WDFY3: variants seen among roughly 807,000 people sequenced by gnomAD.
WDFY3 encodes the protein WD repeat and FYVE domain containing 3.
WDFY3 carries 66 observed loss-of-function variants against 409.6 expected under a neutral mutation model. That is an observed-to-expected ratio of 0.16 (90% CI 0.13 to 0.20). The LOEUF is 0.20. Among genes scored for constraint, WDFY3 ranks in the 10% least tolerant of loss-of-function variants. The pLI is 1.00. For missense variants in WDFY3, 3,031 were observed against 4,298.1 expected, an observed-to-expected ratio of 0.71 and a Z score of 8.24; for synonymous variants, 1,521 against 1,537.1, an observed-to-expected ratio of 0.99 and a Z score of 0.25.
chr4:84,774,977 C>T lies in WDFY3; in HGVS notation c.4597G>A (p.Ala1533Thr). 6.2e-7 allele frequency: 1 copy of T among 1,613,606 alleles called. No homozygotes were observed. Among genetic ancestry groups the T allele is most frequent in the Non-Finnish European group, 8.5e-7 (1 of 1,179,790 alleles). ...CTCATTAATTTGGCATTCTTTGAGG[C>T]TTCACTATAAGAGAAAGAAGATTTT... Reference protein sequence around the residue: ...FIELLTESSEASKNAKLMREF... With the variant: ...FIELLTESSETSKNAKLMREF... Residue 1533 changes from alanine to threonine, a missense_variant, in exon 29 of 68, where the codon GCC (alanine) becomes ACC (threonine). Coordinates refer to ENST00000295888, the MANE Select transcript of WDFY3 (RefSeq NM_014991.6).
chr4:84,702,181 T>C (rs1422477761), intron 56 of WDFY3, among the ~76,000 whole-genome samples, 172 bp downstream of exon 56: 1 of 152,186 alleles, frequency 6.6e-6, no homozygotes, highest in Non-Finnish European at 1.5e-5. Flanking sequence ...CTAATTTTTG[T>C]AACGACAAAA....
At chr4:84,705,589 T>C (rs1731794522) in intron 53 of WDFY3, 78 bp from the exon 54 acceptor site, 2 of 1,142,620 alleles carry the variant, frequency 1.8e-6, no homozygotes, top group Non-Finnish European at 2.6e-6. Context: ...GTGGCTGTTG[T>C]GGATGATGAT....
intron 23 of WDFY3, among the ~76,000 whole-genome samples, chr4:84,786,776 T>C (rs565090169): frequency 1.3e-5 from 2 of 152,318 alleles, no homozygotes; most frequent in Admixed American, 1.3e-4. Flanking sequence ...TTCATGTGTA[T>C]TGACTTATTT....
intron 3 of WDFY3, among the ~76,000 whole-genome samples, chr4:84,862,910 G>A (rs1020144095): frequency 3.3e-5 from 5 of 152,082 alleles, no homozygotes; most frequent in East Asian, 1.9e-4. Flanking sequence ...TCTCTACTTC[G>A]GTGAGTTTGA....
intron 15 of WDFY3, among the ~76,000 whole-genome samples, 197 bp downstream of exon 15, chr4:84,808,137 A>G (rs570052106): frequency 6.6e-6 from 1 of 151,952 alleles, no homozygotes; most frequent in Admixed American, 6.6e-5. Flanking sequence ...CATAGCATCA[A>G]CACATTTTAC....
intron 1 of WDFY3, among the ~76,000 whole-genome samples, chr4:84,934,828 C>T (rs978866975): frequency 2.0e-5 from 3 of 152,064 alleles, no homozygotes; most frequent in Non-Finnish European, 2.9e-5. Flanking sequence ...ATCCCCACCA[C>T]CCCCTGTAAC....
chr4:84,777,906 G>A (rs893647953), intron 27 of WDFY3, among the ~76,000 whole-genome samples: 7 of 152,054 alleles, frequency 4.6e-5, no homozygotes, highest in Admixed American at 2.0e-4. Flanking sequence ...AAGTGATCAC[G>A]AGTTGCCTTG....
At chr4:84,831,679 G>A (rs1383207105) in intron 7 of WDFY3, 74 bp from the exon 8 acceptor site, 12 of 1,366,108 alleles carry the variant, frequency 8.8e-6, no homozygotes, top group Middle Eastern at 2.4e-4. Context: ...ATGGGCAAAT[G>A]AGCTGAATGG....
chr4:84,761,060 T>G (rs1380833995), intron 32 of WDFY3, among the ~76,000 whole-genome samples: 1 of 152,194 alleles, frequency 6.6e-6, no homozygotes, highest in East Asian at 1.9e-4. Flanking sequence ...CATTTCGTTA[T>G]GTACACAGTA....
At chr4:84,743,659 G>A (rs373105421) in intron 37 of WDFY3, 41 bp downstream of exon 37, 70 of 1,452,120 alleles carry the variant, frequency 4.8e-5, no homozygotes, top group Non-Finnish European at 6.1e-5. Flanking sequence ...AGAGAGGAAA[G>A]TGATTATAGG....
At position 84,795,499 on chromosome 4, in the gene WDFY3, C is replaced by T. The variant is rs115108716; in HGVS notation, c.3168-520G>A. 3.3e-3 allele frequency among the ~76,000 whole-genome samples: 508 copies of T among 152,322 alleles called. 2 individuals are homozygous for T. Among genetic ancestry groups the T allele is most frequent in the Non-Finnish European group, 4.9e-3 (332 of 68,018 alleles). On this transcript the variant is annotated intron_variant, in intron 19 of 67. Transcript: ENST00000295888. ...CTCTAAGCCTGGGCACAGTGGCTCACGCCTATAATCCTAGCACGTTGGGAG... is the reference window on the plus strand; with the variant it reads ...CTCTAAGCCTGGGCACAGTGGCTCATGCCTATAATCCTAGCACGTTGGGAG...
chr4:84,726,771 C>T, intron 45 of WDFY3, 90 bp downstream of exon 45: 48 of 1,118,684 alleles, frequency 4.3e-5, no homozygotes, highest in Non-Finnish European at 6.1e-5. Context: ...TTAAGTTAGT[C>T]TAGTCTACCA....
chr4:84,870,856 C>T (rs1762041085), intron 3 of WDFY3, among the ~76,000 whole-genome samples: 1 of 151,208 alleles, frequency 6.6e-6, no homozygotes, highest in Non-Finnish European at 1.5e-5. Context: ...TTTCCCCTTC[C>T]TCCAAACTTT....
intron 30 of WDFY3, 117 bp downstream of exon 30, chr4:84,772,718 A>G (rs1029745879): frequency 4.1e-5 from 34 of 819,416 alleles, no homozygotes; most frequent in Non-Finnish European, 6.4e-5. Flanking sequence ...TGTAAGGAGA[A>G]AAGTTATACA....
chr4:84,913,913 C>T (rs2150771400), intron 2 of WDFY3, among the ~76,000 whole-genome samples: 1 of 152,286 alleles, frequency 6.6e-6, no homozygotes, highest in Non-Finnish European at 1.5e-5. Flanking sequence ...AACCCCTTCT[C>T]TTCCTCCTCA....
chr4:84,674,607 T>G (rs1463930868), intron 67 of WDFY3, among the ~76,000 whole-genome samples: 1 of 150,324 alleles, frequency 6.7e-6, no homozygotes, highest in Admixed American at 6.6e-5. Context: ...CGGAGGCTCA[T>G]GACTGTAATC....
intron 44 of WDFY3, among the ~76,000 whole-genome samples, chr4:84,732,837 A>C (rs1233832684): frequency 1.3e-5 from 2 of 152,150 alleles, no homozygotes; most frequent in African/African-American, 4.8e-5. Context: ...GGGTTAAACC[A>C]ATCAGTACAA....
intron 62 of WDFY3, chr4:84,687,795 A>AG (rs1312474137): frequency 3.9e-6 from 1 of 253,504 alleles, no homozygotes; most frequent in Non-Finnish European, 7.5e-6. Context: ...ACCACTGATC[A>AG]GCATGGGAAT....
chr4:84,678,875 A>T, intron 65 of WDFY3, 44 bp downstream of exon 65: 1 of 1,554,002 alleles, frequency 6.4e-7, no homozygotes, highest in Non-Finnish European at 8.7e-7. Context: ...CAACCCTCAC[A>T]CCACATATAA....
Sources: gnomAD v4.1 joint callset for allele counts (sites outside exome capture counted in the v4.1 genomes callset) on GRCh38, gnomAD v4.1.1 for gene constraint, MANE v1.5 for transcripts, NCBI Gene and HGNC (gene_info 2026-07-23, HGNC 2026-07-21) for gene names.